Variants in BTBD16 observed in about 807,000 individuals in gnomAD.
BTBD16 encodes the protein BTB/POZ domain-containing protein 16.
Under a neutral mutation model 67.4 loss-of-function variants are expected in BTBD16, and 66 were observed. That is an observed-to-expected ratio of 0.98 (90% confidence interval 0.80 to 1.20). The LOEUF (loss-of-function observed/expected upper bound fraction) is 1.20. Among genes scored for constraint, BTBD16 ranks in the 50% most tolerant of loss-of-function variants. The pLI, the probability that BTBD16 is intolerant of heterozygous loss-of-function variation, is 0.00. For synonymous variants in BTBD16, 242 were observed against 236.4 expected (o/e 1.02, Z -0.22); for missense variants, 634 against 616.0 (o/e 1.03, Z -0.31).
intron 7 of BTBD16, chr10:122,291,471 A>T (rs1205551867): frequency 1.3e-4 from 45 of 335,952 alleles, no homozygotes; most frequent in Non-Finnish European, 1.1e-5. Flanking sequence ...GAGAGACTTC[A>T]TGTGTATACA....
At chr10:122,325,591 T>A (rs956636830) in intron 10 of BTBD16, among the ~76,000 whole-genome samples, 1 of 151,888 alleles carries the variant, frequency 6.6e-6, no homozygotes, top group South Asian at 2.1e-4. Context: ...GATGTGGGGG[T>A]GGCAGCAGGA....
At chr10:122,337,706 C>A (rs1166162253) in intron 15 of BTBD16, among the ~76,000 whole-genome samples, 1 of 152,208 alleles carries the variant, frequency 6.6e-6, no homozygotes, top group Non-Finnish European at 1.5e-5. Flanking sequence ...ACCTCGTGAT[C>A]CATCCACCTC....
At chr10:122,277,082 A>G in intron 3 of BTBD16, 143 bp downstream of exon 3, 1 of 890,420 alleles carries the variant, frequency 1.1e-6, no homozygotes, top group Non-Finnish European at 1.7e-6. Context: ...GCCAGCTCTC[A>G]GGCATGGACA....
At chr10:122,303,063 A>G (rs2096397114) in intron 9 of BTBD16, among the ~76,000 whole-genome samples, 1 of 152,252 alleles carries the variant, frequency 6.6e-6, no homozygotes, top group South Asian at 2.1e-4. Flanking sequence ...TTTCTGAAAA[A>G]AAAGTATAAA....
chr10:122,285,673 C>T (rs2096362238), intron 4 of BTBD16, among the ~76,000 whole-genome samples: 1 of 151,868 alleles, frequency 6.6e-6, no homozygotes, highest in Admixed American at 6.5e-5. Context: ...GACAGCACCC[C>T]AACAGGCACG....
At chr10:122,326,512 GT>G (rs2096445064) in intron 10 of BTBD16, among the ~76,000 whole-genome samples, 1 of 152,206 alleles carries the variant, frequency 6.6e-6, no homozygotes, top group African/African-American at 2.4e-5. Context: ...AAAATCTGAA[GT>G]GCTTGGACTA....
intron 3 of BTBD16, among the ~76,000 whole-genome samples, chr10:122,283,395 T>C (rs1044284817): frequency 7.2e-5 from 11 of 152,140 alleles, no homozygotes; most frequent in Non-Finnish European, 1.3e-4. Flanking sequence ...AGGGTAGGAT[T>C]TGGGGTAGAT....
chr10:122,300,394 T>C (rs2096391772), intron 9 of BTBD16, among the ~76,000 whole-genome samples: 1 of 152,040 alleles, frequency 6.6e-6, no homozygotes, highest in Non-Finnish European at 1.5e-5. Flanking sequence ...AAATATATAG[T>C]TACACCCAGT....
chr10:122,290,954 T>G, intron 6 of BTBD16, 126 bp from the exon 7 acceptor site: 2 of 1,359,846 alleles, frequency 1.5e-6, no homozygotes, highest in East Asian at 2.6e-5. Context: ...TGCATCCAGG[T>G]GAGAGGTGGC....
chr10:122,283,460 A>C (rs181329340), intron 3 of BTBD16, among the ~76,000 whole-genome samples: 1 of 152,286 alleles, frequency 6.6e-6, no homozygotes, highest in Non-Finnish European at 1.5e-5. Flanking sequence ...CCTCTAAAGA[A>C]AAATGTTGGT....
At chr10:122,287,067 T>C (rs1303404395) in intron 5 of BTBD16, among the ~76,000 whole-genome samples, 2 of 152,158 alleles carry the variant, frequency 1.3e-5, no homozygotes, top group African/African-American at 4.8e-5. Context: ...TCCCCCTCCC[T>C]GAGCCTGAGC....
chr10:122,334,954 C>A lies in BTBD16; in HGVS notation c.1238C>A (p.Thr413Asn). The part of the protein sequence containing the change: ...FFKIKGLKHD[T>N]TSYSFYMQRI... ...AAGATAAAGGGACTCAAACATGATA[C>A]TACCTCTTATAGTTTTTACATGCAG... Residue 413 changes from threonine (T) to asparagine (N), a missense_variant, in exon 14 of 16, where the codon ACT (threonine) becomes AAT (asparagine). Coordinates refer to ENST00000260723, the MANE Select transcript of BTBD16 (RefSeq NM_144587.5). 1 of 1,548,348 alleles carries A rather than the reference C, an allele frequency of 6.5e-7. No homozygotes were observed. Among genetic ancestry groups the A allele is most frequent in the Non-Finnish European group, 8.9e-7 (1 of 1,123,854 alleles).
intron 10 of BTBD16, among the ~76,000 whole-genome samples, chr10:122,321,178 A>C (rs142040200): frequency 2.6e-5 from 4 of 152,362 alleles, no homozygotes; most frequent in African/African-American, 9.6e-5. Context: ...TGCAAAGAAC[A>C]TAATATATAT....
intron 10 of BTBD16, among the ~76,000 whole-genome samples, chr10:122,316,980 G>C (rs1240305478): frequency 6.6e-6 from 1 of 152,112 alleles, no homozygotes. Flanking sequence ...GTAGAGACGG[G>C]GTTTCTCCAT....
At chr10:122,281,816 C>G (rs1024235174) in intron 3 of BTBD16, among the ~76,000 whole-genome samples, 1 of 152,178 alleles carries the variant, frequency 6.6e-6, no homozygotes, top group Non-Finnish European at 1.5e-5. Flanking sequence ...CCAGGAAGTC[C>G]GTATGTCCAT....
intron 10 of BTBD16, among the ~76,000 whole-genome samples, chr10:122,326,518 G>A (rs1397409915): frequency 6.6e-6 from 1 of 152,142 alleles, no homozygotes; most frequent in Non-Finnish European, 1.5e-5. Flanking sequence ...TGAAGTGCTT[G>A]GACTATCAGA....
chr10:122,294,013 C>T (rs1477244859), intron 7 of BTBD16: 1 of 476,976 alleles, frequency 2.1e-6, no homozygotes, highest in Admixed American at 6.4e-5. Flanking sequence ...GCAGGAGGGG[C>T]TTTGCAGCTA....
intron 13 of BTBD16, among the ~76,000 whole-genome samples, chr10:122,334,194 C>CTTT (rs71301565): frequency 4.3e-5 from 4 of 93,166 alleles, no homozygotes; most frequent in Non-Finnish European, 6.5e-5. Flanking sequence ...GTCCTCTTGA[C>CTTT]TTTTTTTTTT....
chr10:122,296,816 C>T (rs1048661683), intron 7 of BTBD16, among the ~76,000 whole-genome samples: 8 of 152,162 alleles, frequency 5.3e-5, no homozygotes, highest in East Asian at 1.9e-4. Context: ...TGAGCCCAGA[C>T]GAACTACAAT....
Sources: allele counts gnomAD v4.1 joint callset (sites outside exome capture counted in the v4.1 genomes callset), GRCh38; gene constraint gnomAD v4.1.1; transcripts MANE v1.5; gene names NCBI Gene and HGNC (gene_info 2026-07-23, HGNC 2026-07-21).